The following ALAS2 variants were observed in gnomAD, a reference collection of about 807,000 sequenced individuals.
ALAS2 encodes 5-aminolevulinate synthase, erythroid-specific, mitochondrial.
Under a neutral mutation model 33.7 loss-of-function variants are expected in ALAS2, and 3 were observed. The observed-to-expected ratio is 0.09, with a 90% CI of 0.04 to 0.23. ALAS2 has a LOEUF of 0.23. ALAS2 is among the 10% of genes least tolerant of loss of function. The pLI is 1.00. For synonymous variants in ALAS2, 191 were observed against 177.3 expected (o/e 1.08, Z -0.61); for missense variants, 304 against 475.1 (o/e 0.64, Z 3.35).
At chrX:55,025,425 C>A (rs1301547243) in intron 2 of ALAS2, among the ~76,000 whole-genome samples, 1 of 111,325 alleles carries the variant, frequency 9.0e-6, no homozygotes, top group Non-Finnish European at 1.9e-5. Flanking sequence ...ACCTCCGCCT[C>A]CTGGGTTCAA....
intron 3 of ALAS2, 80 bp from the exon 4 acceptor site, chrX:55,023,947 T>C: frequency 1.2e-6 from 1 of 811,094 alleles, no homozygotes; most frequent in Non-Finnish European, 1.8e-6. Context: ...TTAAGCTCAA[T>C]GCAACACATG....
intron 4 of ALAS2, among the ~76,000 whole-genome samples, chrX:55,022,730 C>T (rs1055205328): frequency 9.0e-6 from 1 of 111,455 alleles, no homozygotes; most frequent in Admixed American, 9.6e-5. Context: ...GTTTGTTGCA[C>T]CACTGTTTGT....
intron 3 of ALAS2, 128 bp downstream of exon 3, chrX:55,024,590 T>C: frequency 1.1e-6 from 1 of 951,149 alleles, no homozygotes; most frequent in Non-Finnish European, 1.5e-6. Context: ...ATGGCTCCCC[T>C]GGAAAGACTG....
Position 55,015,636 on chromosome X carries a change from A to G in ALAS2, c.1110T>C (p.Ala370=). Residue 370 remains alanine (A), a synonymous_variant, in exon 8 of 11, where the codon GCT becomes GCC. Transcript: ENST00000650242. ...TAATTCCATCACGCTCCCCAATCCC[A>G]GCGCCCCGGGACCCATACAGTCCTA... ...HAVGLYGSRG[A]GIGERDGIMH... 8.3e-7 allele frequency: 1 copy of G among 1,211,352 alleles called. No individual in the cohort carries two copies. Among genetic ancestry groups the G allele is most frequent in the Non-Finnish European group, 1.1e-6 (1 of 895,377 alleles).
At chrX:55,015,959 CTGTGTGTGTGTGTGTGTG>C (rs56109492) in intron 7 of ALAS2, among the ~76,000 whole-genome samples, 50 of 80,159 alleles carry the variant, frequency 6.2e-4, no homozygotes, top group African/African-American at 1.4e-3. Context: ...CTCTGTCTCT[CTGTGTGTGTGTGTGTGTG>C]TGTGTGTGTG....
chrX:55,020,525 G>C (rs963843128), intron 5 of ALAS2, 21 bp from the exon 6 acceptor site: 39 of 1,161,956 alleles, frequency 3.4e-5, no homozygotes, highest in Non-Finnish European at 4.4e-5. Context: ...GAAAACAGGA[G>C]AAAAGGAGAA....
chrX:55,027,403 G>A (rs1935909852), intron 1 of ALAS2, among the ~76,000 whole-genome samples: 2 of 110,351 alleles, frequency 1.8e-5, no homozygotes, highest in African/African-American at 6.6e-5. Flanking sequence ...AGACAGAGAG[G>A]TGACTAAAGC....
chrX:55,020,271 C>T (rs1459101382), intron 6 of ALAS2, 49 bp downstream of exon 6: 27 of 1,137,885 alleles, frequency 2.4e-5, no homozygotes, highest in Non-Finnish European at 3.0e-5. Flanking sequence ...AAACTGGATG[C>T]TGTATTGCAG....
chrX:55,027,744 C>T, intron 1 of ALAS2: 1 of 1,210,684 alleles, frequency 8.3e-7, no homozygotes, highest in Non-Finnish European at 1.1e-6. Context: ...AAGCACCCTC[C>T]CCGTACCTCA....
In ALAS2 at chrX:55,014,082, C is replaced by T. The variant is rs147753709; in HGVS notation, c.1438-434G>A. 5.0e-3 allele frequency among the ~76,000 whole-genome samples: 559 copies of T among 111,638 alleles called. 3 individuals carry two copies. Among genetic ancestry groups the T allele is most frequent in the Non-Finnish European group, 8.4e-3 (445 of 53,128 alleles). Reference sequence around the variant, plus strand: ...AGTCTAAAGAGCAGTGACTATTTCTCATCCACAAAATTGTCACAAATAAGT... The same window carrying T: ...AGTCTAAAGAGCAGTGACTATTTCTTATCCACAAAATTGTCACAAATAAGT... On this transcript the variant is annotated intron_variant, in intron 9 of 10. Transcript: ENST00000650242.
At chrX:55,019,241 T>C (rs1430805194) in intron 6 of ALAS2, among the ~76,000 whole-genome samples, 1 of 110,451 alleles carries the variant, frequency 9.1e-6, no homozygotes, top group Non-Finnish European at 1.9e-5. Context: ...AGAGAGCCAA[T>C]AGGTCAAGAT....
intron 9 of ALAS2, 61 bp from the exon 10 acceptor site, chrX:55,013,709 A>C: frequency 4.3e-6 from 5 of 1,159,271 alleles, no homozygotes; most frequent in Non-Finnish European, 5.9e-6. Context: ...CACTAGCTCC[A>C]TTAAGCAGAT....
intron 7 of ALAS2, among the ~76,000 whole-genome samples, chrX:55,016,923 GTC>G (rs1332706400): frequency 9.0e-6 from 1 of 111,640 alleles, no homozygotes; most frequent in Non-Finnish European, 1.9e-5. Context: ...TTGAACCCAG[GTC>G]TCTCTGACTT....
chrX:55,028,346 G>A (rs1200193233), intron 1 of ALAS2, among the ~76,000 whole-genome samples: 1 of 111,082 alleles, frequency 9.0e-6, no homozygotes, highest in Non-Finnish European at 1.9e-5. Flanking sequence ...GTAAGAAATG[G>A]ATGGCCCAGA....
chrX:55,026,448 T>C (rs147545255), intron 1 of ALAS2, among the ~76,000 whole-genome samples: 62 of 112,131 alleles, frequency 5.5e-4, no homozygotes, highest in African/African-American at 1.9e-3. Flanking sequence ...TGCAAACATA[T>C]GTCATTGAGT....
intron 2 of ALAS2, 50 bp downstream of exon 2, chrX:55,025,770 T>C (rs1189323395): frequency 2.6e-6 from 3 of 1,168,200 alleles, no homozygotes; most frequent in Admixed American, 2.2e-5. Context: ...CTTGGAACTT[T>C]TACCCCAGGA....
chrX:55,019,450 A>AC (rs1332639079), intron 6 of ALAS2, among the ~76,000 whole-genome samples: 1 of 111,336 alleles, frequency 9.0e-6, no homozygotes, highest in Non-Finnish European at 1.9e-5. Flanking sequence ...ATGTAGTAGA[A>AC]CATGAAGTTG....
chrX:55,017,751 C>A, intron 6 of ALAS2, 86 bp from the exon 7 acceptor site: 1 of 981,856 alleles, frequency 1.0e-6, no homozygotes, highest in Non-Finnish European at 1.4e-6. Context: ...AGAAAAGGGC[C>A]AACCCTTTCT....
intron 3 of ALAS2, among the ~76,000 whole-genome samples, chrX:55,024,081 A>C (rs566866199): frequency 1.8e-5 from 2 of 112,203 alleles, no homozygotes; most frequent in Admixed American, 1.9e-4. Context: ...TATAAGGTGA[A>C]TCATACTTCT....
Sources: allele counts gnomAD v4.1 joint callset (sites outside exome capture counted in the v4.1 genomes callset), GRCh38; gene constraint gnomAD v4.1.1; transcripts MANE v1.5; gene names NCBI Gene and HGNC (gene_info 2026-07-23, HGNC 2026-07-21).